TNN: variants seen among roughly 807,000 people sequenced by gnomAD.
The protein encoded by TNN is tenascin-N.
Under a neutral mutation model 134.4 loss-of-function variants are expected in TNN, and 122 were observed. That is an observed-to-expected ratio of 0.91 (90% confidence interval 0.78 to 1.06). TNN has a LOEUF of 1.06. TNN is among the 50% of genes least tolerant of loss of function. The pLI is 0.00. For synonymous variants in TNN, 710 were observed against 670.3 expected, an observed-to-expected ratio of 1.06 and a Z score of -0.91; for missense variants, 1,739 against 1,699.4, an observed-to-expected ratio of 1.02 and a Z score of -0.41.
chr1:175,139,154 C>T (rs1296367517), intron 17 of TNN, among the ~76,000 whole-genome samples: 2 of 152,278 alleles, frequency 1.3e-5, no homozygotes, highest in East Asian at 1.9e-4. Context: ...CACTGCCCTT[C>T]GGCCACACTA....
rs769088011 is a variant in TNN at position 175,094,021 on chromosome 1, T to C, written c.1356T>C (p.Asp452=). ...EIDSPTNVVT[D]RVTEDTATVS... is the part of the protein sequence containing the mutation. The stretch of plus-strand genomic sequence containing the variant: ...ACAGTCCAACCAATGTTGTCACTGA[T>C]CGAGTGACTGAAGACACAGCAACTG... The change falls in exon 7 of 19, where the codon GAT becomes GAC. Residue 452 remains aspartate, a synonymous_variant. Transcript: ENST00000239462. 9 of 1,609,520 alleles carry C rather than the reference T, an allele frequency of 5.6e-6. No homozygotes were observed. The highest frequency in any genetic ancestry group is 2.2e-5 in the East Asian group (1 of 44,762).
chr1:175,127,861 A>G (rs534365592), intron 13 of TNN, among the ~76,000 whole-genome samples, 171 bp from the exon 14 acceptor site: 1 of 152,328 alleles, frequency 6.6e-6, no homozygotes, highest in African/African-American at 2.4e-5. Context: ...TCTCCAGAGA[A>G]GTGGCTGGGA....
intron 6 of TNN, among the ~76,000 whole-genome samples, chr1:175,093,513 T>C (rs1202183005): frequency 6.6e-6 from 1 of 152,168 alleles, no homozygotes; most frequent in Admixed American, 6.5e-5. Flanking sequence ...AGATTTGTAT[T>C]TGAAAAGAGA....
rs146035631 is a variant in TNN, at chr1:175,097,432, C to T, written c.1604C>T (p.Ala535Val). 25 of 1,614,092 alleles carry T rather than the reference C, an allele frequency of 1.5e-5. No homozygotes were observed. The African/African-American group carries it at 2.4e-4, about 16-fold the overall frequency. The change falls in exon 8 of 19, where the codon GCA becomes GTA. Residue 535 changes from alanine to valine, a missense_variant. Ala to Val is a moderately conservative substitution (Grantham distance 64). Coordinates refer to ENST00000239462, the MANE Select transcript of TNN (RefSeq NM_022093.2). ...TNALTEIDSP[A>V]NLVTDRVTEN... ...TCTCTTAAAGAAATTGACAGCCCAG[C>T]AAACCTGGTGACTGACCGGGTGACT...
At chr1:175,137,442 G>T (rs1675844894) in intron 17 of TNN, among the ~76,000 whole-genome samples, 1 of 151,414 alleles carries the variant, frequency 6.6e-6, no homozygotes, top group East Asian at 1.9e-4. Context: ...AATAAGGAAA[G>T]TGCTGATTCA....
chr1:175,123,814 T>G, intron 12 of TNN, 151 bp downstream of exon 12: 1 of 1,188,740 alleles, frequency 8.4e-7, no homozygotes, highest in South Asian at 1.5e-5. Context: ...TTGAGCTAAT[T>G]AAGTTGACAC....
At chr1:175,140,497 G>A (rs1188465931) in intron 17 of TNN, among the ~76,000 whole-genome samples, 2 of 152,182 alleles carry the variant, frequency 1.3e-5, no homozygotes, top group Non-Finnish European at 2.9e-5. Flanking sequence ...ATTACCATTT[G>A]CCTTTTCTGA....
intron 1 of TNN, among the ~76,000 whole-genome samples, chr1:175,075,829 G>C (rs1477974034): frequency 6.6e-6 from 1 of 152,204 alleles, no homozygotes; most frequent in Non-Finnish European, 1.5e-5. Flanking sequence ...CCTACAGCCT[G>C]TCTGAGGTGC....
chr1:175,079,267 T>C, intron 2 of TNN, 66 bp from the exon 3 acceptor site: 1 of 1,501,394 alleles, frequency 6.7e-7, no homozygotes, highest in Non-Finnish European at 8.8e-7. Context: ...ATGGCTGATC[T>C]CAGAGGAAGG....
intron 1 of TNN, among the ~76,000 whole-genome samples, chr1:175,070,506 CT>C (rs1376397479): frequency 4.6e-5 from 7 of 152,254 alleles, no homozygotes; most frequent in African/African-American, 1.7e-4. Flanking sequence ...TGGACACTCC[CT>C]GGGTATCCCA....
intron 15 of TNN, among the ~76,000 whole-genome samples, chr1:175,132,850 C>A (rs1212705900): frequency 1.3e-5 from 2 of 152,240 alleles, no homozygotes; most frequent in African/African-American, 4.8e-5. Context: ...TATGCACTCC[C>A]ATGTGGAGCT....
At chr1:175,139,028 G>C (rs1364280939) in intron 17 of TNN, among the ~76,000 whole-genome samples, 1 of 152,154 alleles carries the variant, frequency 6.6e-6, no homozygotes, top group Non-Finnish European at 1.5e-5. Flanking sequence ...CAATCTGTAA[G>C]GGTACTTACT....
At position 175,077,840 on chromosome 1, in the gene TNN, C is replaced by A; in HGVS notation, c.409+13C>A. 3 of 1,601,508 alleles carry A rather than the reference C, an allele frequency of 1.9e-6. No homozygotes were observed. The highest frequency in any genetic ancestry group is 2.6e-6 in the Non-Finnish European group (3 of 1,170,442). On this transcript the variant is annotated intron_variant, in intron 2 of 18. Coordinates refer to ENST00000239462, the MANE Select transcript of TNN (RefSeq NM_022093.2). ...CAGGGAGTCACTGGTGAGCTCACCA[C>A]CTGGTATTCATTCAACAAACATTTG...
chr1:175,141,531 A>T (rs1188572634), intron 17 of TNN, among the ~76,000 whole-genome samples: 1 of 152,260 alleles, frequency 6.6e-6, no homozygotes, highest in Non-Finnish European at 1.5e-5. Context: ...AGGGAGAGCT[A>T]GAAATGGCAC....
At chr1:175,141,832 C>G (rs773092997) in intron 17 of TNN, among the ~76,000 whole-genome samples, 1 of 152,192 alleles carries the variant, frequency 6.6e-6, no homozygotes, top group Non-Finnish European at 1.5e-5. Context: ...TCCTCATTCT[C>G]ACTCTCTACA....
rs749351472 is a variant in TNN at position 175,077,522 on chromosome 1, A to G, written c.104A>G (p.Asn35Ser). 7.4e-6 allele frequency: 12 copies of G among 1,613,968 alleles called. No homozygotes were observed. The African/African-American group carries it at 1.3e-4, about 18-fold the overall frequency. ...ACTCTGGAGCCTCCCGGCTGCAGCAACAAGGAGCAACAGGTCACTGTCAGC... is the reference window on the plus strand; with the variant it reads ...ACTCTGGAGCCTCCCGGCTGCAGCAGCAAGGAGCAACAGGTCACTGTCAGC... ...PATLEPPGCS[N>S]KEQQVTVSHT... The change falls in exon 2 of 19, where the codon AAC becomes AGC. Residue 35 changes from asparagine (N) to serine (S), a missense_variant. Coordinates refer to ENST00000239462, the MANE Select transcript of TNN (RefSeq NM_022093.2).
In TNN at chr1:175,115,681, C is replaced by T. The variant is rs141666792; in HGVS notation, c.2120-1258C>T. Among the ~76,000 whole-genome samples the T allele has an allele frequency of 6.5e-3, 989 of 152,206 alleles. 15 individuals carry two copies. Among genetic ancestry groups the T allele is most frequent in the African/African-American group, 0.021 (891 of 41,522 alleles). On this transcript the variant is annotated intron_variant, in intron 9 of 18. Coordinates refer to ENST00000239462, the MANE Select transcript of TNN (RefSeq NM_022093.2). ...TAGCTCCAGTTCCAAGACACCAAGA[C>T]GGTGTAGTACAATAGCCATGCAGGC...
intron 1 of TNN, among the ~76,000 whole-genome samples, chr1:175,071,724 C>A (rs1349000053): frequency 6.6e-6 from 1 of 152,144 alleles, no homozygotes; most frequent in Non-Finnish European, 1.5e-5. Context: ...GCTGTGTGTC[C>A]TTTGGCAAAT....
intron 17 of TNN, among the ~76,000 whole-genome samples, chr1:175,142,727 T>C (rs1044877012): frequency 2.6e-5 from 4 of 152,132 alleles, no homozygotes; most frequent in African/African-American, 9.7e-5. Context: ...AAGCAATTCT[T>C]CTGCCTCAGC....
Sources: allele counts gnomAD v4.1 joint callset (sites outside exome capture counted in the v4.1 genomes callset), GRCh38; gene constraint gnomAD v4.1.1; transcripts MANE v1.5; gene names NCBI Gene and HGNC (gene_info 2026-07-23, HGNC 2026-07-21).